TBC1D2: variants seen among roughly 807,000 people sequenced by gnomAD.
TBC1D2 encodes TBC1 domain family member 2.
TBC1D2 carries 58 observed loss-of-function variants against 91.1 expected under a neutral mutation model. That is an observed-to-expected ratio of 0.64 (90% CI 0.52 to 0.79). TBC1D2 has a LOEUF of 0.79. TBC1D2 is among the 30% of genes least tolerant of loss of function. The pLI is 0.00. For synonymous variants in TBC1D2, 482 were observed against 511.5 expected, an observed-to-expected ratio of 0.94 and a Z score of 0.78; for missense variants, 1,080 against 1,208.3, an observed-to-expected ratio of 0.89 and a Z score of 1.57.
At chr9:98,213,039 A>G in intron 7 of TBC1D2, 69 bp downstream of exon 7, 1 of 1,536,252 alleles carries the variant, frequency 6.5e-7, no homozygotes. Flanking sequence ...AGTGAGACGG[A>G]GTGGGCAGCA....
chr9:98,240,166 G>GGTGTGTGTGTGTGTGT (rs60630078), intron 3 of TBC1D2, among the ~76,000 whole-genome samples: 5 of 137,856 alleles, frequency 3.6e-5, no homozygotes, highest in African/African-American at 1.0e-4. Context: ...GTGTTTGTGT[G>GGTGTGTGTGTGTGTGT]GTGTGTGTGT....
chr9:98,254,163 G>C (rs752663125), intron 1 of TBC1D2, among the ~76,000 whole-genome samples: 5 of 152,186 alleles, frequency 3.3e-5, no homozygotes, highest in Non-Finnish European at 5.9e-5. Context: ...GTTGGGGTTG[G>C]AGGGGTGGAC....
intron 3 of TBC1D2, among the ~76,000 whole-genome samples, chr9:98,234,493 T>A (rs1250218761): frequency 6.6e-6 from 1 of 152,210 alleles, no homozygotes; most frequent in Admixed American, 6.5e-5. Context: ...AAGTTCCCAC[T>A]CATTGGTAGA....
Position 98,212,225 on chromosome 9 carries a change from TCTC to T in TBC1D2, c.1485+880_1485+882del, listed in dbSNP as rs897224089. Among the ~76,000 whole-genome samples the T allele has an allele frequency of 4.6e-5, 7 of 152,236 alleles. No individual in the cohort carries two copies. The East Asian group carries it at 1.4e-3, about 29-fold the overall frequency. On this transcript the variant is annotated intron_variant, in intron 7 of 12. Coordinates refer to ENST00000465784, the MANE Select transcript of TBC1D2 (RefSeq NM_001267571.2). The stretch of plus-strand genomic sequence containing the variant: ...AGGAACAGAAGTCTGATTGAGGACT[TCTC>T]CACTCAGAATCCTTCAGCTCCCCAG...
Position 98,251,769 on chromosome 9 carries a change from G to T in TBC1D2, c.511+16C>A, listed in dbSNP as rs778922560. 1 of 1,569,686 alleles carries T rather than the reference G, an allele frequency of 6.4e-7. No homozygotes were observed. Among genetic ancestry groups the T allele is most frequent in the East Asian group, 2.4e-5 (1 of 41,830 alleles). ...GAGCCCTGGGTGTGCAGGCAGGAGG[G>T]TAGCCCATTGGGTACCTAGCTCGAG... On this transcript the variant is annotated intron_variant, in intron 2 of 12. Transcript: ENST00000465784.
At chr9:98,236,154 TA>T (rs1205372017) in intron 3 of TBC1D2, among the ~76,000 whole-genome samples, 10 of 151,508 alleles carry the variant, frequency 6.6e-5, no homozygotes, top group African/African-American at 2.2e-4. Flanking sequence ...TTTTATTTAT[TA>T]AAAAAAAACA....
chr9:98,214,963 G>A (rs1167487776), intron 6 of TBC1D2, among the ~76,000 whole-genome samples: 1 of 152,126 alleles, frequency 6.6e-6, no homozygotes, highest in East Asian at 1.9e-4. Flanking sequence ...AGGCTGAAAG[G>A]CTGTGCATCC....
intron 6 of TBC1D2, among the ~76,000 whole-genome samples, chr9:98,217,091 G>C (rs1374183925): frequency 6.6e-6 from 1 of 152,218 alleles, no homozygotes; most frequent in Non-Finnish European, 1.5e-5. Context: ...GCCGGACAGG[G>C]AGGCAGAGTG....
At chr9:98,245,697 T>C (rs1016373027) in intron 2 of TBC1D2, among the ~76,000 whole-genome samples, 1 of 152,252 alleles carries the variant, frequency 6.6e-6, no homozygotes, top group Non-Finnish European at 1.5e-5. Flanking sequence ...GCTATTCTCA[T>C]TGTATTTTAC....
intron 12 of TBC1D2, 95 bp from the exon 13 acceptor site, chr9:98,199,683 C>A (rs1828434091): frequency 7.3e-7 from 1 of 1,370,568 alleles, no homozygotes; most frequent in Non-Finnish European, 1.0e-6. Context: ...TTCCTTCTGC[C>A]TTTGTGGCTG....
intron 6 of TBC1D2, among the ~76,000 whole-genome samples, chr9:98,220,056 T>C (rs1829057090): frequency 6.6e-6 from 1 of 151,740 alleles, no homozygotes; most frequent in Non-Finnish European, 1.5e-5. Flanking sequence ...TGGGGAAGCC[T>C]AGGGAAAGAT....
intron 5 of TBC1D2, among the ~76,000 whole-genome samples, chr9:98,226,744 G>A (rs1829241497): frequency 6.6e-6 from 1 of 152,214 alleles, no homozygotes; most frequent in Admixed American, 6.5e-5. Context: ...AGGTTTGGTG[G>A]AAGGTTACCT....
intron 2 of TBC1D2, among the ~76,000 whole-genome samples, chr9:98,246,660 G>A (rs1189644945): frequency 6.6e-6 from 1 of 152,156 alleles, no homozygotes; most frequent in Non-Finnish European, 1.5e-5. Flanking sequence ...GGTGGAGACA[G>A]AGTCTTTCCA....
chr9:98,238,612 C>T (rs1185899674), intron 3 of TBC1D2, among the ~76,000 whole-genome samples: 1 of 137,312 alleles, frequency 7.3e-6, no homozygotes, highest in Non-Finnish European at 1.5e-5. Flanking sequence ...GCCTCCAGAA[C>T]AATGTTGAAT....
At chr9:98,211,800 CT>C (rs112631510) in intron 7 of TBC1D2, among the ~76,000 whole-genome samples, 220 of 144,098 alleles carry the variant, frequency 1.5e-3, no homozygotes, top group Non-Finnish European at 1.4e-3. Context: ...TCAGGGATTC[CT>C]TTTTTTTTTT....
At chr9:98,232,867 G>C (rs1829405810) in intron 4 of TBC1D2, among the ~76,000 whole-genome samples, 1 of 152,214 alleles carries the variant, frequency 6.6e-6, no homozygotes, top group African/African-American at 2.4e-5. Flanking sequence ...ACCCAGGCTG[G>C]AGTGCTGTGG....
chr9:98,210,174 G>C (rs1465257587), intron 8 of TBC1D2, among the ~76,000 whole-genome samples: 1 of 152,136 alleles, frequency 6.6e-6, no homozygotes, highest in African/African-American at 2.4e-5. Flanking sequence ...GAAAGGTAAA[G>C]GGAATTGTCA....
Position 98,217,362 on chromosome 9 carries a change from C to T in TBC1D2, c.1374+3471G>A, listed in dbSNP as rs138367433. Among the ~76,000 whole-genome samples the T allele has an allele frequency of 3.9e-4, 59 of 152,372 alleles. 1 individual carries two copies. Among genetic ancestry groups the T allele is most frequent in the African/African-American group, 1.3e-3 (52 of 41,592 alleles). On this transcript the variant is annotated intron_variant, in intron 6 of 12. Coordinates refer to ENST00000465784, the MANE Select transcript of TBC1D2 (RefSeq NM_001267571.2). ...ACTAGGCCCTGTGCTGTGTGGAAGG[C>T]AGTGGCCTGGGCATGGGAGGCCAGG...
chr9:98,228,675 A>C lies in TBC1D2; in HGVS notation c.978+277T>G, dbSNP rs1359836919. 6.6e-6 allele frequency among the ~76,000 whole-genome samples: 1 copy of C among 152,170 alleles called. No homozygotes were observed. Among genetic ancestry groups the C allele is most frequent in the Non-Finnish European group, 1.5e-5 (1 of 68,032 alleles). On this transcript the variant is annotated intron_variant, in intron 5 of 12. Transcript: ENST00000465784. This position sits in a 1 kb window ranked among gnomAD's most constrained non-coding sequence, Gnocchi z 4.0. ...AATGTCATTTTCTGGGTAGGGGGTG[A>C]GACCATGCATGGCCCTCCAGGAGGG...
Sources: gnomAD v4.1 joint callset for allele counts (sites outside exome capture counted in the v4.1 genomes callset) on GRCh38, gnomAD v4.1.1 for gene constraint, Gnocchi (gnomAD v3.1) non-coding constraint, MANE v1.5 for transcripts, NCBI Gene and HGNC (gene_info 2026-07-23, HGNC 2026-07-21) for gene names.